The following MARCHF1 variants were observed in gnomAD, a reference collection of about 807,000 sequenced individuals.
MARCHF1 encodes the protein E3 ubiquitin-protein ligase MARCHF1.
Under a neutral mutation model 54.2 loss-of-function variants are expected in MARCHF1, and 40 were observed. The observed-to-expected ratio is 0.74, with a 90% CI of 0.57 to 0.96. The LOEUF is 0.96. Ranked by LOEUF, MARCHF1 falls within the 40% of genes least tolerant of loss-of-function variation. The probability of loss-of-function intolerance (pLI) is 0.00; values close to 1 mark genes in which losing one functional copy is unlikely to be tolerated. For missense variants in MARCHF1, 586 were observed against 656.5 expected, an observed-to-expected ratio of 0.89 and a Z score of 1.17; for synonymous variants, 236 against 236.3, an observed-to-expected ratio of 1.00 and a Z score of 0.01.
rs149094741 is a variant in MARCHF1 at position 163,972,848 on chromosome 4, C to T, written c.-39+15653G>A. 1.2e-3 allele frequency among the ~76,000 whole-genome samples: 179 copies of T among 152,072 alleles called. 1 individual carries two copies. Among genetic ancestry groups the T allele is most frequent in the African/African-American group, 4.2e-3 (174 of 41,480 alleles). ...CTGGGATTACAGGCGTGAGCCACCG[C>T]GCCCGGCCTTAATGTATATGTTTAA... On this transcript the variant is annotated intron_variant, in intron 3 of 9. Coordinates refer to ENST00000514618, the MANE Select transcript of MARCHF1 (RefSeq NM_001394959.1).
At chr4:164,369,958 A>C (rs11100548) in intron 1 of MARCHF1, among the ~76,000 whole-genome samples, 80,604 of 152,054 alleles carry the variant, frequency 0.53, 22,157 homozygotes, top group East Asian at 0.65. Context: ...TTTTAAATAT[A>C]TTATTCATTA....
chr4:163,975,589 C>T (rs1752634747), intron 3 of MARCHF1, among the ~76,000 whole-genome samples: 2 of 152,168 alleles, frequency 1.3e-5, no homozygotes, highest in African/African-American at 2.4e-5. Context: ...TTCAGGTAAA[C>T]ATCCCAGGAT....
chr4:163,954,837 C>G (rs917925119), intron 3 of MARCHF1, among the ~76,000 whole-genome samples: 1 of 152,130 alleles, frequency 6.6e-6, no homozygotes, highest in African/African-American at 2.4e-5. Context: ...GCTTTAAGAG[C>G]TATAATTTTG....
At chr4:164,009,488 T>C (rs1481763219) in intron 2 of MARCHF1, among the ~76,000 whole-genome samples, 15 of 152,012 alleles carry the variant, frequency 9.9e-5, no homozygotes, top group Non-Finnish European at 1.8e-4. Context: ...GAAGATACAA[T>C]AAAGAAATAA....
At chr4:164,006,952 C>T (rs1579455552) in intron 2 of MARCHF1, among the ~76,000 whole-genome samples, 1 of 132,924 alleles carries the variant, frequency 7.5e-6, no homozygotes, top group African/African-American at 2.8e-5. Flanking sequence ...ACCATCATTC[C>T]CATCTTATAA....
rs568550392 is a variant in MARCHF1, at chr4:164,050,133, G to A, written c.-247-61424C>T. On this transcript the variant is annotated intron_variant, in intron 2 of 9. Transcript: ENST00000514618. ...CTACTAAAAATACACAAATTAGCCC[G>A]GTGTCATGGTGGGTGCCTGTATTCC... 1.5e-4 allele frequency among the ~76,000 whole-genome samples: 23 copies of A among 151,848 alleles called. No individual in the cohort carries two copies. In the East Asian group the frequency reaches 1.9e-3, roughly 13 times the overall value.
At chr4:163,858,419 T>A (rs536545148) in intron 3 of MARCHF1, among the ~76,000 whole-genome samples, 5 of 152,270 alleles carry the variant, frequency 3.3e-5, no homozygotes, top group African/African-American at 1.2e-4. Flanking sequence ...TGTGCAGTTA[T>A]GATTAAGCTG....
At chr4:163,787,698 T>C (rs1234207746) in intron 4 of MARCHF1, among the ~76,000 whole-genome samples, 3 of 151,932 alleles carry the variant, frequency 2.0e-5, no homozygotes, top group Non-Finnish European at 4.4e-5. Context: ...AGAAAATTAC[T>C]ATATGATCCA....
At chr4:164,185,507 G>A (rs1220819604) in intron 1 of MARCHF1, among the ~76,000 whole-genome samples, 1 of 151,970 alleles carries the variant, frequency 6.6e-6, no homozygotes, top group African/African-American at 2.4e-5. Context: ...AATATATACT[G>A]CCAGACAACA....
intron 1 of MARCHF1, among the ~76,000 whole-genome samples, chr4:164,240,543 T>C (rs1455480334): frequency 2.0e-5 from 3 of 152,036 alleles, no homozygotes; most frequent in South Asian, 2.1e-4. Flanking sequence ...AAGCTGTCTC[T>C]TCTTCCTCTG....
intron 2 of MARCHF1, among the ~76,000 whole-genome samples, chr4:164,037,368 A>T (rs1218747126): frequency 2.0e-5 from 3 of 152,228 alleles, no homozygotes; most frequent in African/African-American, 7.2e-5. Context: ...CCCTGATTAC[A>T]ATTATAGTTA....
chr4:164,237,634 G>C (rs959815006), intron 1 of MARCHF1, among the ~76,000 whole-genome samples: 1 of 151,904 alleles, frequency 6.6e-6, no homozygotes, highest in African/African-American at 2.4e-5. Flanking sequence ...CTCTGATATT[G>C]CTTTTTATTC....
chr4:164,226,544 T>A (rs968049936), intron 1 of MARCHF1, among the ~76,000 whole-genome samples: 1 of 151,944 alleles, frequency 6.6e-6, no homozygotes, highest in African/African-American at 2.4e-5. Context: ...ATACAACACA[T>A]AGAAAACAGC....
At chr4:163,935,690 TTTGC>T (rs202100301) in intron 3 of MARCHF1, among the ~76,000 whole-genome samples, 9,699 of 136,122 alleles carry the variant, frequency 0.071, 231 homozygotes, top group Admixed American at 0.09. Flanking sequence ...ACAAGGCTGT[TTTGC>T]TTGCTTTCTT....
At chr4:164,258,206 C>T (rs928625980) in intron 1 of MARCHF1, among the ~76,000 whole-genome samples, 3 of 151,864 alleles carry the variant, frequency 2.0e-5, no homozygotes, top group Admixed American at 6.6e-5. Flanking sequence ...AATGAGAACA[C>T]GTGGACACAG....
intron 2 of MARCHF1, among the ~76,000 whole-genome samples, chr4:164,068,415 C>A (rs1754777976): frequency 6.6e-6 from 1 of 152,084 alleles, no homozygotes; most frequent in African/African-American, 2.4e-5. Context: ...TGGGTGGGAA[C>A]CGGGGCTGTG....
chr4:164,298,979 A>G (rs1365957759), intron 1 of MARCHF1, among the ~76,000 whole-genome samples: 1 of 152,160 alleles, frequency 6.6e-6, no homozygotes, highest in Non-Finnish European at 1.5e-5. Context: ...GTGTATAAAA[A>G]GTAGTTTCCA....
At chr4:164,048,193 A>T (rs1393412192) in intron 2 of MARCHF1, among the ~76,000 whole-genome samples, 1 of 152,144 alleles carries the variant, frequency 6.6e-6, no homozygotes, top group Non-Finnish European at 1.5e-5. Flanking sequence ...GATTTTTTAA[A>T]TAGATATTTT....
rs570812937 is a variant in MARCHF1, at chr4:163,645,461, G to A, written c.163-32068C>T. On this transcript the variant is annotated intron_variant, in intron 5 of 9. Coordinates refer to ENST00000514618, the MANE Select transcript of MARCHF1 (RefSeq NM_001394959.1). ...TCCAGCAAACGAGTCTATGGATAAC[G>A]AAGAACCAAGCAAACATGACACCAC... Among the ~76,000 whole-genome samples the A allele has an allele frequency of 1.2e-4, 18 of 152,270 alleles. 1 individual carries two copies. Among genetic ancestry groups the A allele is most frequent in the East Asian group, 5.8e-4 (3 of 5,184 alleles).
Sources: gnomAD v4.1 joint callset for allele counts (sites outside exome capture counted in the v4.1 genomes callset) on GRCh38, gnomAD v4.1.1 for gene constraint, MANE v1.5 for transcripts, NCBI Gene and HGNC (gene_info 2026-07-23, HGNC 2026-07-21) for gene names.